The following TRHDE variants were observed in gnomAD, a reference collection of about 807,000 sequenced individuals.
TRHDE encodes the protein thyrotropin-releasing hormone-degrading ectoenzyme.
A neutral mutation model predicts 125.7 loss-of-function variants in TRHDE; 72 were observed. The ratio of observed to expected loss-of-function variants is 0.57; its 90% CI spans 0.47 to 0.70. The LOEUF is 0.70. Ranked by LOEUF, TRHDE falls within the 30% of genes least tolerant of loss-of-function variation. TRHDE has a pLI of 0.00. For missense variants in TRHDE, 1,110 were observed against 1,327.1 expected (o/e 0.84, Z 2.54); for synonymous variants, 509 against 509.1 (o/e 1.00, Z 0.00).
intron 2 of TRHDE, among the ~76,000 whole-genome samples, chr12:72,121,313 C>A (rs1875575762): frequency 6.6e-6 from 1 of 152,178 alleles, no homozygotes; most frequent in African/African-American, 2.4e-5. Flanking sequence ...TCCTTGTGGC[C>A]TAGACAACCT....
At chr12:72,198,522 G>A (rs184610009) in intron 2 of TRHDE, among the ~76,000 whole-genome samples, 102 of 151,970 alleles carry the variant, frequency 6.7e-4, no homozygotes, top group African/African-American at 2.1e-3. Context: ...CACCATATAC[G>A]GCCTGCTTTT....
chr12:72,469,849 T>G lies in TRHDE; in HGVS notation c.1407T>G (p.Ser469Arg), dbSNP rs1184469205. The change falls in exon 4 of 19, where the codon AGT becomes AGG. Residue 469 changes from serine (S) to arginine (R), a missense_variant. Ser to Arg is a moderately radical substitution (Grantham distance 110, BLOSUM62 -1). This residue lies in a region of TRHDE where 252 missense variants were observed against 274.8 expected (regional missense o/e 0.92). Coordinates refer to ENST00000261180, the MANE Select transcript of TRHDE (RefSeq NM_013381.3). ...AACAAAGAATACTGCTGGATCCCAG[T>G]GTTTCATCTATTTCTTATTTGCTGG... is the stretch of plus-strand genomic sequence containing the variant. ...FVEQRILLDPSVSSISYLLDV... is the reference protein window; with the variant it reads ...FVEQRILLDPRVSSISYLLDV... The G allele has an allele frequency of 6.2e-7, 1 of 1,613,992 alleles. No individual in the cohort carries two copies. The highest frequency in any genetic ancestry group is 8.5e-7 in the Non-Finnish European group (1 of 1,179,970).
At chr12:72,370,950 C>T (rs1430243849) in intron 2 of TRHDE, among the ~76,000 whole-genome samples, 1 of 152,028 alleles carries the variant, frequency 6.6e-6, no homozygotes, top group East Asian at 1.9e-4. Context: ...GCCATGTTGG[C>T]CATGCGGGTC....
chr12:72,421,184 C>T (rs1873938489), intron 3 of TRHDE, among the ~76,000 whole-genome samples: 1 of 152,100 alleles, frequency 6.6e-6, no homozygotes, highest in African/African-American at 2.4e-5. Context: ...GAAATTTAAT[C>T]CCCCATTAGT....
intron 2 of TRHDE, among the ~76,000 whole-genome samples, chr12:72,293,525 C>A (rs1880169993): frequency 6.6e-6 from 1 of 152,126 alleles, no homozygotes; most frequent in Admixed American, 6.6e-5. Flanking sequence ...GGCTTCCTCT[C>A]ATCTTTGGTT....
chr12:72,446,810 C>T (rs1875308896), intron 3 of TRHDE, among the ~76,000 whole-genome samples: 1 of 152,094 alleles, frequency 6.6e-6, no homozygotes, highest in African/African-American at 2.4e-5. Context: ...ACAAGAAGAG[C>T]TAACTATCCT....
chr12:72,398,837 T>TG (rs1447033434), intron 3 of TRHDE, among the ~76,000 whole-genome samples: 1 of 152,234 alleles, frequency 6.6e-6, no homozygotes, highest in Non-Finnish European at 1.5e-5. Flanking sequence ...AGTTGTTAGA[T>TG]GCTTTACGTT....
chr12:72,181,316 T>C (rs1348666480), intron 2 of TRHDE, among the ~76,000 whole-genome samples: 1 of 152,122 alleles, frequency 6.6e-6, no homozygotes, highest in Admixed American at 6.6e-5. Context: ...TCTACTGACC[T>C]CCGGGCTTAA....
chr12:72,640,981 T>C (rs1195882302), intron 15 of TRHDE, among the ~76,000 whole-genome samples: 1 of 152,214 alleles, frequency 6.6e-6, no homozygotes, highest in East Asian at 1.9e-4. Context: ...ATTTCAGTGT[T>C]AATACAATCA....
intron 2 of TRHDE, among the ~76,000 whole-genome samples, chr12:72,234,350 G>A (rs1348279007): frequency 1.3e-5 from 2 of 152,116 alleles, no homozygotes; most frequent in East Asian, 1.9e-4. Context: ...CTGATTTATA[G>A]CAATCATTCT....
At chr12:72,305,820 G>A (rs1868333012) in intron 2 of TRHDE, among the ~76,000 whole-genome samples, 1 of 152,200 alleles carries the variant, frequency 6.6e-6, no homozygotes, top group Non-Finnish European at 1.5e-5. Context: ...CACTGATTCT[G>A]TGCCTAAAAC....
At chr12:72,127,202 T>C (rs1875734332) in intron 2 of TRHDE, among the ~76,000 whole-genome samples, 3 of 152,150 alleles carry the variant, frequency 2.0e-5, no homozygotes, top group Admixed American at 2.0e-4. Flanking sequence ...CAGATGCTGG[T>C]AAAGCTGCAG....
intron 2 of TRHDE, among the ~76,000 whole-genome samples, chr12:72,199,321 G>T (rs2139353799): frequency 6.6e-6 from 1 of 152,256 alleles, no homozygotes; most frequent in South Asian, 2.1e-4. Context: ...AACAGAGGTA[G>T]GTCAAGCTGC....
At chr12:72,355,786 A>G (rs1870789841) in intron 2 of TRHDE, among the ~76,000 whole-genome samples, 1 of 151,906 alleles carries the variant, frequency 6.6e-6, no homozygotes, top group Non-Finnish European at 1.5e-5. Context: ...TGTGGCCCAC[A>G]AGCATATATA....
rs1363152811 is a variant in TRHDE, at chr12:72,670,284, A to G, written c.*7089A>G. 6.6e-6 allele frequency: 1 copy of G among 151,774 alleles called. No individual in the cohort carries two copies. Among genetic ancestry groups the G allele is most frequent in the Admixed American group, 6.6e-5 (1 of 15,184 alleles). 9.4% of individuals were successfully genotyped at this position (151,774 alleles called of 1,614,324 possible). ...TTAGTTTAGCAGATAAATGTTTTCA[A>G]TGTATGCCTTTAAAATTATTCAGTA... is the stretch of plus-strand genomic sequence containing the variant. On this transcript the variant is annotated 3_prime_UTR_variant, in exon 19 of 19. Coordinates refer to ENST00000261180, the MANE Select transcript of TRHDE (RefSeq NM_013381.3).
intron 2 of TRHDE, among the ~76,000 whole-genome samples, chr12:72,149,092 A>G (rs1487732281): frequency 6.6e-6 from 1 of 151,938 alleles, no homozygotes; most frequent in Admixed American, 6.6e-5. Flanking sequence ...AAATTCTAAC[A>G]TGATTTTTTT....
Position 72,273,096 on chromosome 12 carries a change from C to T in TRHDE, c.453C>T (p.Ser151=). 1 of 1,525,822 alleles carries T rather than the reference C, an allele frequency of 6.6e-7. No individual in the cohort carries two copies. The highest frequency in any genetic ancestry group is 8.8e-7 in the Non-Finnish European group (1 of 1,138,818). The allele number at this position is 1,525,822 out of a possible 1,614,324, so 94.5% of individuals were successfully genotyped here. The change falls in exon 1 of 19, where the codon TCC becomes TCT. Residue 151 remains serine, a synonymous_variant. Transcript: ENST00000261180. This position sits in a 1 kb window ranked among gnomAD's most constrained non-coding sequence, Gnocchi z 5.3. ...GCAACCACCACGCAGGCGGGGACTC[C>T]TGGCAGCCCGAGGCGGGTGGGGTGG... The part of the protein sequence containing the change: ...ARRNHHAGGD[S]WQPEAGGVAS...
chr12:72,631,974 T>A (rs1389076434), intron 15 of TRHDE, among the ~76,000 whole-genome samples: 2 of 151,924 alleles, frequency 1.3e-5, no homozygotes, highest in African/African-American at 4.8e-5. Context: ...AGTAGTACGT[T>A]GATGGATAAG....
intron 15 of TRHDE, among the ~76,000 whole-genome samples, chr12:72,633,770 T>C (rs1055663592): frequency 2.0e-5 from 3 of 152,146 alleles, no homozygotes; most frequent in African/African-American, 7.2e-5. Flanking sequence ...ACAAGTATAC[T>C]AGTAAAGTTA....
Sources: gnomAD v4.1 joint callset for allele counts (sites outside exome capture counted in the v4.1 genomes callset) on GRCh38, gnomAD v4.1.1 for gene constraint, gnomAD v4.1.1 regional missense constraint, Gnocchi (gnomAD v3.1) non-coding constraint, MANE v1.5 for transcripts, NCBI Gene and HGNC (gene_info 2026-07-23, HGNC 2026-07-21) for gene names.